ADAMTS6: variants seen among roughly 807,000 people sequenced by gnomAD.
The protein encoded by ADAMTS6 is ADAM metallopeptidase with thrombospondin type 1 motif 6.
A neutral mutation model predicts 144.3 loss-of-function variants in ADAMTS6; 23 were observed. The ratio of observed to expected loss-of-function variants is 0.16; its 90% CI spans 0.11 to 0.23. ADAMTS6 has a LOEUF of 0.23. Among genes scored for constraint, ADAMTS6 ranks in the 10% least tolerant of loss-of-function variants. The pLI is 1.00. For synonymous variants in ADAMTS6, 444 were observed against 457.5 expected (o/e 0.97, Z 0.38); for missense variants, 999 against 1,379.6 (o/e 0.72, Z 4.37).
intron 14 of ADAMTS6, among the ~76,000 whole-genome samples, chr5:65,257,071 C>A (rs1051584008): frequency 7.4e-6 from 1 of 135,644 alleles, no homozygotes; most frequent in Non-Finnish European, 1.5e-5. Flanking sequence ...CTCAAGAGAT[C>A]TGCCTGCCTC....
At chr5:65,300,901 G>C (rs1224704623) in intron 9 of ADAMTS6, among the ~76,000 whole-genome samples, 1 of 152,120 alleles carries the variant, frequency 6.6e-6, no homozygotes, top group Non-Finnish European at 1.5e-5. Context: ...AAAGTGCTGG[G>C]ATTAAAGGCG....
chr5:65,226,418 A>G (rs1208656929), intron 15 of ADAMTS6, among the ~76,000 whole-genome samples, 199 bp from the exon 16 acceptor site: 4 of 152,034 alleles, frequency 2.6e-5, no homozygotes, highest in African/African-American at 9.7e-5. Context: ...GGACTTGCTC[A>G]GCAGTTTTCA....
In ADAMTS6 at chr5:65,262,923, G is replaced by T; in HGVS notation, c.1660C>A (p.Pro554Thr). 3 of 1,613,606 alleles carry T rather than the reference G, an allele frequency of 1.9e-6. No individual in the cohort carries two copies. The highest frequency in any genetic ancestry group is 2.5e-6 in the Non-Finnish European group (3 of 1,179,798). ...CCCCAGCCCCCATCTATGCTCTGGG[G>T]CCAAGTGCCAAAAGGAACACAATCT... ...QGDCVPFGTW[P>T]QSIDGGWGPW... Residue 554 changes from proline (P) to threonine (T), a missense_variant, in exon 13 of 25, where the codon CCC (proline) becomes ACC (threonine). Pro to Thr is a conservative substitution (Grantham distance 38). Coordinates refer to ENST00000381055, the MANE Select transcript of ADAMTS6 (RefSeq NM_197941.4).
Position 65,198,161 on chromosome 5 carries a change from T to C in ADAMTS6, c.2576-1010A>G, listed in dbSNP as rs768661159. 2.6e-5 allele frequency among the ~76,000 whole-genome samples: 4 copies of C among 152,176 alleles called. 1 individual carries two copies. Among genetic ancestry groups the C allele is most frequent in the Middle Eastern group, 3.4e-3 (1 of 294 alleles). On this transcript the variant is annotated intron_variant, in intron 20 of 24. Transcript: ENST00000381055. ...AGCGGTAACAGGTTACTCCTGGCAATAGAAATAAAAGCACACACTAAGCTA... is the reference window on the plus strand; with the variant it reads ...AGCGGTAACAGGTTACTCCTGGCAACAGAAATAAAAGCACACACTAAGCTA...
At chr5:65,336,489 G>A (rs1747322341) in intron 7 of ADAMTS6, among the ~76,000 whole-genome samples, 1 of 152,022 alleles carries the variant, frequency 6.6e-6, no homozygotes, top group Non-Finnish European at 1.5e-5. Flanking sequence ...AAGCTTTGCA[G>A]GATGTATACT....
At chr5:65,170,836 A>G (rs1753572267) in intron 23 of ADAMTS6, 63 bp from the exon 24 acceptor site, 2 of 1,525,774 alleles carry the variant, frequency 1.3e-6, no homozygotes, top group Non-Finnish European at 1.8e-6. Context: ...GGTAAAAAAT[A>G]TACTATGTCA....
intron 18 of ADAMTS6, among the ~76,000 whole-genome samples, chr5:65,223,269 A>C (rs1757462514): frequency 6.6e-6 from 1 of 152,242 alleles, no homozygotes; most frequent in Non-Finnish European, 1.5e-5. Context: ...ATACATAAAC[A>C]TTGTGAAATG....
At position 65,267,697 on chromosome 5, in the gene ADAMTS6, T is replaced by C. The variant is rs539478892; in HGVS notation, c.1621-4735A>G. ...GAAGGAAAACTTCAAGATGAGTATA[T>C]GCAGTATTTAAAAAAAATTTTTTTC... On this transcript the variant is annotated intron_variant, in intron 12 of 24. Coordinates refer to ENST00000381055, the MANE Select transcript of ADAMTS6 (RefSeq NM_197941.4). 3.6e-3 allele frequency among the ~76,000 whole-genome samples: 543 copies of C among 152,190 alleles called. 4 individuals are homozygous for C. Among genetic ancestry groups the C allele is most frequent in the African/African-American group, 0.012 (512 of 41,466 alleles).
At chr5:65,238,633 G>C (rs1758893203) in intron 15 of ADAMTS6, among the ~76,000 whole-genome samples, 1 of 151,224 alleles carries the variant, frequency 6.6e-6, no homozygotes. Context: ...AATTTAGAAA[G>C]GTCACAGAAT....
chr5:65,214,766 T>C lies in ADAMTS6; in HGVS notation c.2575+28A>G, dbSNP rs1561286995. 6.2e-7 allele frequency: 1 copy of C among 1,614,002 alleles called. No individual in the cohort carries two copies. Among genetic ancestry groups the C allele is most frequent in the Non-Finnish European group, 8.5e-7 (1 of 1,179,986 alleles). On this transcript the variant is annotated intron_variant, in intron 20 of 24. Coordinates refer to ENST00000381055, the MANE Select transcript of ADAMTS6 (RefSeq NM_197941.4). The surrounding 1 kb of genome is among the most constrained non-coding windows in gnomAD (Gnocchi z 4.6). The stretch of plus-strand genomic sequence containing the variant: ...GTGTTTTGTTCTCCATCTTGCCCTC[T>C]GGGTGGGCTGCCTAGTGGGCATCTT...
intron 9 of ADAMTS6, among the ~76,000 whole-genome samples, chr5:65,326,186 G>A (rs1312786082): frequency 6.6e-6 from 1 of 151,928 alleles, no homozygotes; most frequent in East Asian, 1.9e-4. Flanking sequence ...TATACTAGAT[G>A]TCTGGCTGAA....
chr5:65,168,896 A>G (rs1175592864), intron 24 of ADAMTS6, among the ~76,000 whole-genome samples: 1 of 146,666 alleles, frequency 6.8e-6, no homozygotes, highest in African/African-American at 2.5e-5. Flanking sequence ...AAGATGGATT[A>G]AAGATTTAAA....
At chr5:65,199,888 T>C (rs1755623936) in intron 20 of ADAMTS6, among the ~76,000 whole-genome samples, 1 of 152,156 alleles carries the variant, frequency 6.6e-6, no homozygotes, top group Non-Finnish European at 1.5e-5. Flanking sequence ...TCTTAAAAAC[T>C]GGGAATCAAG....
chr5:65,213,629 T>C (rs1310924583), intron 20 of ADAMTS6, among the ~76,000 whole-genome samples: 2 of 150,104 alleles, frequency 1.3e-5, no homozygotes, highest in Admixed American at 1.3e-4. Flanking sequence ...AGCAAAAACC[T>C]GTCTCAAAAA....
chr5:65,428,953 A>G (rs1006032965), intron 7 of ADAMTS6, among the ~76,000 whole-genome samples: 3 of 152,230 alleles, frequency 2.0e-5, no homozygotes, highest in Non-Finnish European at 4.4e-5. Context: ...GATGGGGTTC[A>G]GGACATGCTA....
rs552035319 is a variant in ADAMTS6, at chr5:65,466,589, T to TAA, written c.462+4187_462+4188dup. ...GTGCCCATTATATGGAAGGTACTTA[T>TAA]AAGTATTAGTGAAATGAATGAATAA... is the stretch of plus-strand genomic sequence containing the variant. On this transcript the variant is annotated intron_variant, in intron 3 of 24. Coordinates refer to ENST00000381055, the MANE Select transcript of ADAMTS6 (RefSeq NM_197941.4). 1.2e-4 allele frequency among the ~76,000 whole-genome samples: 19 copies of TAA among 152,270 alleles called. No individual in the cohort carries two copies. The East Asian group carries it at 3.7e-3, about 29-fold the overall frequency.
chr5:65,178,786 C>T (rs186029813), intron 22 of ADAMTS6, among the ~76,000 whole-genome samples: 1 of 152,338 alleles, frequency 6.6e-6, no homozygotes, highest in East Asian at 1.9e-4. Flanking sequence ...CATTGGTTAA[C>T]AAATGCCAGA....
chr5:65,361,713 A>G (rs1237979103), intron 7 of ADAMTS6, among the ~76,000 whole-genome samples: 1 of 151,926 alleles, frequency 6.6e-6, no homozygotes, highest in East Asian at 1.9e-4. Flanking sequence ...TATTTTTACT[A>G]TGGTGATTTT....
At chr5:65,190,874 C>A (rs2112190339) in intron 21 of ADAMTS6, among the ~76,000 whole-genome samples, 1 of 152,132 alleles carries the variant, frequency 6.6e-6, no homozygotes, top group South Asian at 2.1e-4. Context: ...TAAATCACAC[C>A]CTAGTTATTT....
Sources: gnomAD v4.1 joint callset for allele counts (sites outside exome capture counted in the v4.1 genomes callset) on GRCh38, gnomAD v4.1.1 for gene constraint, Gnocchi (gnomAD v3.1) non-coding constraint, MANE v1.5 for transcripts, NCBI Gene and HGNC (gene_info 2026-07-23, HGNC 2026-07-21) for gene names.